Variants in CD36 observed in about 807,000 individuals in gnomAD.
CD36 encodes the protein platelet glycoprotein 4.
A neutral mutation model predicts 55.2 loss-of-function variants in CD36; 119 were observed. The ratio of observed to expected loss-of-function variants is 2.15; its 90% confidence interval spans 1.86 to 2.51. CD36 has a LOEUF of 2.51. Among genes scored for constraint, CD36 ranks in the 30% most tolerant of loss-of-function variants. The pLI is 0.00. For missense variants in CD36, 819 were observed against 555.5 expected (o/e 1.47, Z -4.77); for synonymous variants, 186 against 193.6 (o/e 0.96, Z 0.33).
intron 7 of CD36, 46 bp downstream of exon 7, chr7:80,664,543 T>G: frequency 1.0e-6 from 1 of 979,682 alleles, no homozygotes; most frequent in Non-Finnish European, 1.7e-6. Flanking sequence ...AGGGTACTCT[T>G]AAGCAGGAAT....
intron 1 of CD36, among the ~76,000 whole-genome samples, chr7:80,615,850 A>G (rs1365065475): frequency 2.0e-5 from 3 of 152,182 alleles, no homozygotes; most frequent in African/African-American, 7.2e-5. Context: ...CTTGGTTTCC[A>G]TGATAGCTTT....
chr7:80,617,366 C>T (rs1481003214), intron 1 of CD36, among the ~76,000 whole-genome samples: 1 of 151,638 alleles, frequency 6.6e-6, no homozygotes, highest in African/African-American at 2.4e-5. Context: ...GCATGTGTAC[C>T]CCTGAACTTA....
At chr7:80,603,007 A>G (rs946904250) in intron 1 of CD36, among the ~76,000 whole-genome samples, 1 of 152,156 alleles carries the variant, frequency 6.6e-6, no homozygotes, top group African/African-American at 2.4e-5. Flanking sequence ...TATACATAAA[A>G]CTTACTAATC....
intron 11 of CD36, among the ~76,000 whole-genome samples, chr7:80,672,294 T>TATGTGAGTTTGACTATACTTA (rs1797767240): frequency 6.6e-6 from 1 of 151,832 alleles, no homozygotes; most frequent in Non-Finnish European, 1.5e-5. Context: ...TCAAAGAGTA[T>TATGTGAGTTTGACTATACTTA]ATGTGAGTTT....
intron 4 of CD36, among the ~76,000 whole-genome samples, chr7:80,658,159 G>A (rs1195766336): frequency 6.6e-6 from 1 of 152,068 alleles, no homozygotes; most frequent in Non-Finnish European, 1.5e-5. Flanking sequence ...GTTTTTATGG[G>A]TACAAAAACA....
At position 80,672,764 on chromosome 7, in the gene CD36, T is replaced by TTTTAG; in HGVS notation, c.1126-5_1126-1dup. 2 of 1,596,628 alleles carry TTTTAG rather than the reference T, an allele frequency of 1.3e-6. No homozygotes were observed. Among genetic ancestry groups the TTTTAG allele is most frequent in the Non-Finnish European group, 1.7e-6 (2 of 1,165,806 alleles). On this transcript the variant is annotated splice_region_variant and splice_polypyrimidine_tract_variant and intron_variant, in intron 11 of 14. Transcript: ENST00000447544. ...GTTGGTAATTATTTAGTTGTTCTCTTTTTAGATAACTGGATTCACTTTACA... is the reference window on the plus strand; with the variant it reads ...GTTGGTAATTATTTAGTTGTTCTCTTTTTAGTTTAGATAACTGGATTCACTTTACA...
At chr7:80,669,473 G>A (rs1261705375) in intron 8 of CD36, among the ~76,000 whole-genome samples, 4 of 152,040 alleles carry the variant, frequency 2.6e-5, no homozygotes. Flanking sequence ...TGTCGCCCAG[G>A]CTGGAGTGCA....
At chr7:80,654,017 C>T (rs1198364949) in intron 3 of CD36, among the ~76,000 whole-genome samples, 4 of 152,114 alleles carry the variant, frequency 2.6e-5, no homozygotes, top group Admixed American at 6.6e-5. Flanking sequence ...AAAAAATGGA[C>T]GGGGTTAGAT....
At chr7:80,650,403 G>C (rs762850280) in intron 3 of CD36, among the ~76,000 whole-genome samples, 1 of 151,876 alleles carries the variant, frequency 6.6e-6, no homozygotes, top group Non-Finnish European at 1.5e-5. Context: ...TGATATTGGC[G>C]TATGTATATC....
chr7:80,631,312 G>A (rs1277405027), intron 1 of CD36, among the ~76,000 whole-genome samples: 1 of 152,018 alleles, frequency 6.6e-6, no homozygotes, highest in Non-Finnish European at 1.5e-5. Flanking sequence ...CAGGGCTCAT[G>A]ATAACTAAAC....
intron 3 of CD36, among the ~76,000 whole-genome samples, chr7:80,653,708 T>C (rs1795799586): frequency 6.6e-6 from 1 of 152,202 alleles, no homozygotes; most frequent in Non-Finnish European, 1.5e-5. Context: ...CAATTTAAAA[T>C]CAAGTTCTTT....
chr7:80,673,777 G>A, intron 13 of CD36: 1 of 597,020 alleles, frequency 1.7e-6, no homozygotes, highest in Non-Finnish European at 3.0e-6. Context: ...AAGAGCAAAT[G>A]AATCCTAGTA....
chr7:80,603,857 G>A (rs1332550425), intron 1 of CD36, among the ~76,000 whole-genome samples: 1 of 151,702 alleles, frequency 6.6e-6, no homozygotes, highest in Non-Finnish European at 1.5e-5. Flanking sequence ...TTAAATGGAA[G>A]GAAATGTTTC....
At chr7:80,667,036 A>G (rs986142338) in intron 8 of CD36, among the ~76,000 whole-genome samples, 4 of 152,222 alleles carry the variant, frequency 2.6e-5, no homozygotes, top group Non-Finnish European at 5.9e-5. Flanking sequence ...ATGAGCATTC[A>G]TAAACTTAGA....
Position 80,656,542 on chromosome 7 carries a change from A to C in CD36, c.123A>C (p.Gln41His). 6.2e-7 allele frequency: 1 copy of C among 1,613,456 alleles called. No individual in the cohort carries two copies. The highest frequency in any genetic ancestry group is 8.5e-7 in the Non-Finnish European group (1 of 1,179,618). The change falls in exon 4 of 15, where the codon CAA becomes CAC. Residue 41 changes from glutamine (Q) to histidine (H), a missense_variant and splice_region_variant. Transcript: ENST00000447544. Reference sequence around the variant, plus strand: ...CAAACTTATTTTCTTTTTCATAGCAAGTTGTCCTCGAAGAAGGTACAATTG... The same window carrying C: ...CAAACTTATTTTCTTTTTCATAGCACGTTGTCCTCGAAGAAGGTACAATTG... ...DLLIQKTIKK[Q>H]VVLEEGTIAF... is the part of the protein sequence containing the mutation.
intron 5 of CD36, among the ~76,000 whole-genome samples, chr7:80,661,678 CAAACAA>C (rs1263704635): frequency 6.6e-6 from 1 of 151,592 alleles, no homozygotes; most frequent in African/African-American, 2.4e-5. Context: ...AACCTTTAAC[CAAACAA>C]AAACAAACAA....
chr7:80,641,339 A>C (rs928828045), intron 1 of CD36, among the ~76,000 whole-genome samples: 2 of 152,052 alleles, frequency 1.3e-5, no homozygotes, highest in African/African-American at 4.8e-5. Flanking sequence ...TGTCTTTATA[A>C]ACATACATAG....
At chr7:80,650,920 AGT>A (rs1347456241) in intron 3 of CD36, among the ~76,000 whole-genome samples, 2 of 104,892 alleles carry the variant, frequency 1.9e-5, no homozygotes, top group African/African-American at 3.1e-5. Flanking sequence ...AAGTTTATGC[AGT>A]CTTTCAAAAA....
chr7:80,662,483 C>T (rs1333467690), intron 5 of CD36: 2 of 265,142 alleles, frequency 7.5e-6, no homozygotes, highest in Admixed American at 3.7e-5. Flanking sequence ...AGCCTCGTGC[C>T]GTTAGACGTG....
Sources: allele counts gnomAD v4.1 joint callset (sites outside exome capture counted in the v4.1 genomes callset), GRCh38; gene constraint gnomAD v4.1.1; transcripts MANE v1.5; gene names NCBI Gene and HGNC (gene_info 2026-07-23, HGNC 2026-07-21).